The following STAT4 variants were observed in gnomAD, a reference collection of about 807,000 sequenced individuals.
STAT4 encodes signal transducer and activator of transcription 4.
Under a neutral mutation model 110.5 loss-of-function variants are expected in STAT4, and 42 were observed. The ratio of observed to expected loss-of-function variants is 0.38; its 90% confidence interval spans 0.30 to 0.49. The LOEUF (loss-of-function observed/expected upper bound fraction) is 0.49, where lower values mean the gene tolerates loss of function less well. Among genes scored for constraint, STAT4 ranks in the 20% least tolerant of loss-of-function variants. STAT4 has a pLI of 0.95. For synonymous variants in STAT4, 284 were observed against 302.2 expected (o/e 0.94, Z 0.63); for missense variants, 632 against 887.9 (o/e 0.71, Z 3.66).
intron 3 of STAT4, among the ~76,000 whole-genome samples, chr2:191,130,815 G>GT (rs1192832980): frequency 1.3e-5 from 2 of 151,572 alleles, no homozygotes; most frequent in African/African-American, 4.9e-5. Flanking sequence ...TAGTGGAATG[G>GT]TTTTTTAATT....
At position 191,033,959 on chromosome 2, in the gene STAT4, G is replaced by C. The variant is rs1196480246; in HGVS notation, c.1667C>G (p.Ala556Gly). 2 of 1,612,866 alleles carry C rather than the reference G, an allele frequency of 1.2e-6. No individual in the cohort carries two copies. The highest frequency in any genetic ancestry group is 2.2e-5 in the South Asian group (2 of 90,814). Residue 556 changes from alanine to glycine, a missense_variant, in exon 19 of 24, where the codon GCA becomes GGA. Physicochemically the swap from Ala to Gly is moderately conservative, Grantham distance 60. Transcript: ENST00000392320. This position sits in a 1 kb window ranked among gnomAD's most constrained non-coding sequence, Gnocchi z 6.9. The stretch of plus-strand genomic sequence containing the variant: ...GTGTTTCTTAATTAGATCCAATATT[G>C]CTTCAAGCCATGTCCAAAAGGTAAA... The part of the protein sequence containing the change: ...KSFTFWTWLE[A>G]ILDLIKKHIL...
chr2:191,151,101 T>A, upstream of STAT4: 1 of 985,394 alleles, frequency 1.0e-6, no homozygotes, highest in Non-Finnish European at 1.2e-6. The surrounding 1 kb of genome is among the most constrained non-coding windows in gnomAD (Gnocchi z 4.7). Flanking sequence ...AGTGTTCGAG[T>A]CTCTGGGACT....
rs778170459 is a variant in STAT4, at chr2:191,073,117, G to A, written c.446C>T (p.Ala149Val). Residue 149 changes from alanine to valine, a missense_variant, in exon 5 of 24, where the codon GCC becomes GTC. Physicochemically the swap from Ala to Val is moderately conservative, Grantham distance 64. Transcript: ENST00000392320. ...RQRNVEHKVA[A>V]IKNSVQMTEQ... is the part of the protein sequence containing the mutation. ...ACTTACCTGCACACTGTTTTTAATG[G>A]CAGCCACTTTGTGCTCCACATTCCT... 4 of 1,613,772 alleles carry A rather than the reference G, an allele frequency of 2.5e-6. No homozygotes were observed. In the South Asian group the frequency reaches 4.4e-5, roughly 18 times the overall value.
chr2:191,084,665 A>G (rs1697584976), intron 3 of STAT4, among the ~76,000 whole-genome samples: 1 of 152,122 alleles, frequency 6.6e-6, no homozygotes, highest in Non-Finnish European at 1.5e-5. Context: ...GAAAGGTTTG[A>G]GAAAAATTAA....
At position 191,110,122 on chromosome 2, in the gene STAT4, A is replaced by G. The variant is rs183615284; in HGVS notation, c.274-33797T>C. The stretch of plus-strand genomic sequence containing the variant: ...TGCTGGCCGCACAGCAGCCTCAACC[A>G]CTTGAGGAAACACTACTTCATGTCC... On this transcript the variant is annotated intron_variant, in intron 3 of 23. Transcript: ENST00000392320. This position sits in a 1 kb window ranked among gnomAD's most constrained non-coding sequence, Gnocchi z 4.5. Among the ~76,000 whole-genome samples the G allele has an allele frequency of 1.7e-3, 253 of 152,218 alleles. No individual in the cohort carries two copies. Among genetic ancestry groups the G allele is most frequent in the African/African-American group, 5.7e-3 (237 of 41,532 alleles).
intron 1 of STAT4, among the ~76,000 whole-genome samples, chr2:191,148,631 G>C (rs757845127): frequency 1.3e-5 from 2 of 151,994 alleles, no homozygotes; most frequent in Non-Finnish European, 2.9e-5. Flanking sequence ...TTATATGTGA[G>C]GAACAACCCC....
At chr2:191,076,118 T>C in intron 4 of STAT4, 109 bp downstream of exon 4, 1 of 867,256 alleles carries the variant, frequency 1.2e-6, no homozygotes, top group Admixed American at 2.3e-5. Context: ...CCTCCCAAAG[T>C]GTTAGGATTA....
At chr2:191,139,944 A>C (rs1699278044) in intron 3 of STAT4, among the ~76,000 whole-genome samples, 5 of 152,226 alleles carry the variant, frequency 3.3e-5, no homozygotes, top group Admixed American at 1.3e-4. Flanking sequence ...CCCAGAAACA[A>C]AGGCAAATAT....
intron 14 of STAT4, among the ~76,000 whole-genome samples, chr2:191,054,151 A>G (rs1482468712): frequency 2.3e-5 from 3 of 132,520 alleles, no homozygotes; most frequent in East Asian, 2.3e-4. Context: ...AAAGAAAGAA[A>G]AAAAAGATAC....
In STAT4 at chr2:191,146,895, A is replaced by G; in HGVS notation, c.129-138T>C. On this transcript the variant is annotated intron_variant, in intron 2 of 23. Coordinates refer to ENST00000392320, the MANE Select transcript of STAT4 (RefSeq NM_003151.4). This position sits in a 1 kb window ranked among gnomAD's most constrained non-coding sequence, Gnocchi z 4.5. ...AGTTTTAAAAAATTAAATTGTTAACATGAAGAGATGCTCAACATCACTAAT... is the reference window on the plus strand; with the variant it reads ...AGTTTTAAAAAATTAAATTGTTAACGTGAAGAGATGCTCAACATCACTAAT... 2.6e-6 allele frequency: 2 copies of G among 777,970 alleles called. No individual in the cohort carries two copies. The highest frequency in any genetic ancestry group is 3.8e-5 in the South Asian group (1 of 26,340). The allele number at this position is 777,970 out of a possible 1,614,324, so 48.2% of individuals were successfully genotyped here.
chr2:191,093,708 G>A (rs1697874181), intron 3 of STAT4, among the ~76,000 whole-genome samples: 1 of 152,198 alleles, frequency 6.6e-6, no homozygotes, highest in Non-Finnish European at 1.5e-5. Flanking sequence ...CTCCTTGCCA[G>A]CAACAGAACA....
intron 3 of STAT4, among the ~76,000 whole-genome samples, chr2:191,076,936 T>G (rs761289031): frequency 8.5e-5 from 13 of 152,156 alleles, no homozygotes; most frequent in African/African-American, 1.2e-4. Context: ...TAAAAGTTAC[T>G]TTCCTATAAA....
At chr2:191,100,077 A>G (rs776452107) in intron 3 of STAT4, among the ~76,000 whole-genome samples, 2 of 152,180 alleles carry the variant, frequency 1.3e-5, no homozygotes, top group Non-Finnish European at 2.9e-5. Context: ...AAAATTTTTA[A>G]TTAATTTACA....
At chr2:191,049,080 G>C (rs1165139651) in intron 14 of STAT4, among the ~76,000 whole-genome samples, 1 of 149,458 alleles carries the variant, frequency 6.7e-6, no homozygotes. Flanking sequence ...GGTAGGTCTA[G>C]ATGTCACCAT....
In STAT4 at chr2:191,082,595, A is replaced by C. The variant is rs1423678931; in HGVS notation, c.274-6270T>G. On this transcript the variant is annotated intron_variant, in intron 3 of 23. Transcript: ENST00000392320. This position sits in a 1 kb window ranked among gnomAD's most constrained non-coding sequence, Gnocchi z 4.7. The stretch of plus-strand genomic sequence containing the variant: ...ATGTTAAAATGTGGAGAACAGTGTC[A>C]TAGAATCCATGAACATGCTATTTAT... Among the ~76,000 whole-genome samples, 3 of 152,254 alleles carry C rather than the reference A, an allele frequency of 2.0e-5. No individual in the cohort carries two copies. Among genetic ancestry groups the C allele is most frequent in the Non-Finnish European group, 4.4e-5 (3 of 68,052 alleles).
Position 191,030,535 on chromosome 2 carries a change from T to G in STAT4, c.2220+437A>C, listed in dbSNP as rs1258910560. ...CACAATCAAGAAAAATTGCAATTTG[T>G]GATGTTTGCACTGTTAAGATAGCAA... On this transcript the variant is annotated intron_variant, in intron 23 of 23. Transcript: ENST00000392320. The surrounding 1 kb of genome is among the most constrained non-coding windows in gnomAD (Gnocchi z 4.4). Among the ~76,000 whole-genome samples the G allele has an allele frequency of 6.6e-6, 1 of 152,118 alleles. No individual in the cohort carries two copies. The highest frequency in any genetic ancestry group is 1.5e-5 in the Non-Finnish European group (1 of 68,006).
chr2:191,083,210 T>C lies in STAT4; in HGVS notation c.274-6885A>G, dbSNP rs1357894925. ...GAGTTGGTCCCACAAAACACTGTTA[T>C]GGGAGTGGGCAAGTGAGACGAGGAA... On this transcript the variant is annotated intron_variant, in intron 3 of 23. Coordinates refer to ENST00000392320, the MANE Select transcript of STAT4 (RefSeq NM_003151.4). This position sits in a 1 kb window ranked among gnomAD's most constrained non-coding sequence, Gnocchi z 4.6. Among the ~76,000 whole-genome samples the C allele has an allele frequency of 6.6e-6, 1 of 152,120 alleles. No individual in the cohort carries two copies. The highest frequency in any genetic ancestry group is 1.5e-5 in the Non-Finnish European group (1 of 68,016).
rs1358433368 is a variant in STAT4 at position 191,127,770 on chromosome 2, A to C, written c.273+18843T>G. Among the ~76,000 whole-genome samples the C allele has an allele frequency of 2.0e-5, 3 of 152,382 alleles. No individual in the cohort carries two copies. In the East Asian group the frequency reaches 5.8e-4, roughly 29 times the overall value. On this transcript the variant is annotated intron_variant, in intron 3 of 23. Coordinates refer to ENST00000392320, the MANE Select transcript of STAT4 (RefSeq NM_003151.4). The stretch of plus-strand genomic sequence containing the variant: ...CATCCACAAAGTAATTATTGCATAA[A>C]GAAGCCCCATACTCTGGCATCCACT...
chr2:191,077,249 G>GT lies in STAT4; in HGVS notation c.274-925dup, dbSNP rs1697341711. Among the ~76,000 whole-genome samples, 3 of 152,212 alleles carry GT rather than the reference G, an allele frequency of 2.0e-5. No individual in the cohort carries two copies. Among genetic ancestry groups the GT allele is most frequent in the Admixed American group, 2.0e-4 (3 of 15,282 alleles). On this transcript the variant is annotated intron_variant, in intron 3 of 23. Coordinates refer to ENST00000392320, the MANE Select transcript of STAT4 (RefSeq NM_003151.4). This position sits in a 1 kb window ranked among gnomAD's most constrained non-coding sequence, Gnocchi z 4.1. ...AAATACTGGAATCCCTTTGGAGAAA[G>GT]TATGTACTACCCAGGGTTGACACAG...
Sources: allele counts gnomAD v4.1 joint callset (sites outside exome capture counted in the v4.1 genomes callset), GRCh38; gene constraint gnomAD v4.1.1; non-coding constraint Gnocchi (gnomAD v3.1); transcripts MANE v1.5; gene names NCBI Gene and HGNC (gene_info 2026-07-23, HGNC 2026-07-21).